PDZRN4: variants seen among roughly 807,000 people sequenced by gnomAD.
PDZRN4 encodes the protein PDZ domain-containing RING finger protein 4.
In PDZRN4, 70 loss-of-function variants were observed where a neutral mutation model predicts 99.0. The ratio of observed to expected loss-of-function variants is 0.71; its 90% CI spans 0.58 to 0.86. The LOEUF (loss-of-function observed/expected upper bound fraction) is 0.86. Among genes scored for constraint, PDZRN4 ranks in the 40% least tolerant of loss-of-function variants. The pLI is 0.00. For synonymous variants in PDZRN4, 551 were observed against 501.6 expected, an observed-to-expected ratio of 1.10 and a Z score of -1.32; for missense variants, 1,474 against 1,331.2, an observed-to-expected ratio of 1.11 and a Z score of -1.67.
intron 3 of PDZRN4, among the ~76,000 whole-genome samples, chr12:41,358,304 C>T (rs1428151767): frequency 2.0e-5 from 3 of 151,932 alleles, no homozygotes; most frequent in Non-Finnish European, 4.4e-5. Flanking sequence ...CCAGAACTCT[C>T]ATATATATTT....
In PDZRN4 at chr12:41,312,266, GA is replaced by G. The variant is rs200590034; in HGVS notation, c.843+118089del. 8.9e-3 allele frequency among the ~76,000 whole-genome samples: 1,275 copies of G among 143,616 alleles called. 6 individuals are homozygous for G. The highest frequency in any genetic ancestry group is 0.032 in the Middle Eastern group (9 of 280). The allele number at this position is 143,616 out of a possible 152,430, so 94.2% of individuals were successfully genotyped here. ...TTTGCCAAACTGCTTTTATGGGGAAGAAAAAAAAAAACACACATACACATTT... is the reference window on the plus strand; with the variant it reads ...TTTGCCAAACTGCTTTTATGGGGAAGAAAAAAAAAACACACATACACATTT... On this transcript the variant is annotated intron_variant, in intron 3 of 9. Coordinates refer to ENST00000402685, the MANE Select transcript of PDZRN4 (RefSeq NM_001164595.2).
chr12:41,383,557 C>T (rs1324642465), intron 3 of PDZRN4, among the ~76,000 whole-genome samples: 1 of 152,206 alleles, frequency 6.6e-6, no homozygotes, highest in Non-Finnish European at 1.5e-5. Flanking sequence ...GAGTAAACTC[C>T]TTCTCCTGCA....
chr12:41,380,442 AC>A (rs1952116260), intron 3 of PDZRN4, among the ~76,000 whole-genome samples: 1 of 151,468 alleles, frequency 6.6e-6, no homozygotes, highest in Non-Finnish European at 1.5e-5. Flanking sequence ...TTCTATTGTG[AC>A]TTGATGACTT....
rs114840177 is a variant in PDZRN4 at position 41,404,237 on chromosome 12, C to T, written c.844-102219C>T. ...TCCACAGATGCAAAACCCATGGATTCGGAAGACCAACTGTAAACATGGCCA... is the reference window on the plus strand; with the variant it reads ...TCCACAGATGCAAAACCCATGGATTTGGAAGACCAACTGTAAACATGGCCA... On this transcript the variant is annotated intron_variant, in intron 3 of 9. Transcript: ENST00000402685. Among the ~76,000 whole-genome samples, 472 of 152,086 alleles carry T rather than the reference C, an allele frequency of 3.1e-3. 2 individuals are homozygous for T. Among genetic ancestry groups the T allele is most frequent in the African/African-American group, 0.011 (443 of 41,502 alleles).
intron 3 of PDZRN4, among the ~76,000 whole-genome samples, chr12:41,301,805 G>C (rs888433317): frequency 6.6e-6 from 1 of 152,008 alleles, no homozygotes; most frequent in Admixed American, 6.6e-5. Flanking sequence ...GGATTTGCTT[G>C]AGTCTCACAA....
chr12:41,244,490 A>C (rs1291017207), intron 3 of PDZRN4, among the ~76,000 whole-genome samples: 1 of 151,974 alleles, frequency 6.6e-6, no homozygotes, highest in Non-Finnish European at 1.5e-5. Context: ...GTTCTACATG[A>C]TCTGCTCCAC....
intron 7 of PDZRN4, among the ~76,000 whole-genome samples, chr12:41,562,759 T>C (rs1939293013): frequency 6.6e-6 from 1 of 152,166 alleles, no homozygotes; most frequent in Non-Finnish European, 1.5e-5. Flanking sequence ...TAAAAAGATA[T>C]ATTTCTAATG....
intron 3 of PDZRN4, among the ~76,000 whole-genome samples, chr12:41,267,846 A>G (rs1951289320): frequency 6.6e-6 from 1 of 152,040 alleles, no homozygotes; most frequent in Non-Finnish European, 1.5e-5. Flanking sequence ...TCTCAAAATG[A>G]AACAAACAAA....
At chr12:41,345,045 G>A (rs1403353785) in intron 3 of PDZRN4, among the ~76,000 whole-genome samples, 1 of 152,070 alleles carries the variant, frequency 6.6e-6, no homozygotes, top group African/African-American at 2.4e-5. Context: ...GAATAAATAT[G>A]TTATTACACT....
intron 5 of PDZRN4, among the ~76,000 whole-genome samples, chr12:41,522,153 A>C (rs562358869): frequency 6.6e-6 from 1 of 152,268 alleles, no homozygotes; most frequent in East Asian, 1.9e-4. Flanking sequence ...GCATGTGAGC[A>C]ATGCAGTTGG....
intron 3 of PDZRN4, among the ~76,000 whole-genome samples, chr12:41,365,839 A>G (rs1951995996): frequency 1.3e-5 from 2 of 152,140 alleles, no homozygotes; most frequent in African/African-American, 4.8e-5. Context: ...GTAAAAGCTG[A>G]TTATAATTGA....
At position 41,572,922 on chromosome 12, in the gene PDZRN4, G is replaced by T; in HGVS notation, c.2143G>T (p.Asp715Tyr). Residue 715 changes from aspartate (D) to tyrosine (Y), a missense_variant, in exon 10 of 10, where the codon GAT becomes TAT. Asp to Tyr is a radical substitution (Grantham distance 160). Transcript: ENST00000402685. ...GGFRNYNTSI[D>Y]MQRGKLDDIM... ...ATTCCGGAATTATAACACCAGCATA[G>T]ATATGCAAAGGGGAAAGCTAGATGA... 1 of 1,614,152 alleles carries T rather than the reference G, an allele frequency of 6.2e-7. No individual in the cohort carries two copies. The highest frequency in any genetic ancestry group is 8.5e-7 in the Non-Finnish European group (1 of 1,180,008).
chr12:41,402,143 A>G (rs1194056069), intron 3 of PDZRN4, among the ~76,000 whole-genome samples: 1 of 39,450 alleles, frequency 2.5e-5, no homozygotes, highest in Non-Finnish European at 4.5e-5. Context: ...ATATATATAC[A>G]CACACTGAGT....
intron 3 of PDZRN4, among the ~76,000 whole-genome samples, chr12:41,307,720 G>A (rs1417438477): frequency 6.7e-6 from 1 of 150,038 alleles, no homozygotes; most frequent in Admixed American, 6.7e-5. Context: ...TTTCACTCTT[G>A]ATTACATGTG....
intron 3 of PDZRN4, among the ~76,000 whole-genome samples, chr12:41,382,248 T>C (rs1214631068): frequency 1.3e-5 from 2 of 152,142 alleles, no homozygotes; most frequent in African/African-American, 4.8e-5. Context: ...TTTTCAGGAA[T>C]GGGCTGCAGT....
intron 3 of PDZRN4, among the ~76,000 whole-genome samples, chr12:41,353,336 C>A (rs889840078): frequency 3.9e-5 from 6 of 152,026 alleles, no homozygotes; most frequent in African/African-American, 1.4e-4. Context: ...TTCCTGTCAT[C>A]TGAATTCCTT....
intron 3 of PDZRN4, among the ~76,000 whole-genome samples, chr12:41,495,718 A>G (rs190390921): frequency 5.0e-4 from 76 of 152,206 alleles, no homozygotes; most frequent in African/African-American, 1.8e-3. Context: ...TGACCCATGG[A>G]GGACATTAGG....
chr12:41,428,545 A>G (rs1033263759), intron 3 of PDZRN4, among the ~76,000 whole-genome samples: 2 of 152,228 alleles, frequency 1.3e-5, no homozygotes, highest in African/African-American at 4.8e-5. Flanking sequence ...AGACAGAGTC[A>G]TGTTAGCAGA....
chr12:41,537,069 T>A (rs537720132), intron 5 of PDZRN4, among the ~76,000 whole-genome samples: 79 of 152,300 alleles, frequency 5.2e-4, no homozygotes, highest in African/African-American at 1.9e-3. Flanking sequence ...CTTATACTAG[T>A]CTTCTAGACA....
Sources: gnomAD v4.1 joint callset for allele counts (sites outside exome capture counted in the v4.1 genomes callset) on GRCh38, gnomAD v4.1.1 for gene constraint, MANE v1.5 for transcripts, NCBI Gene and HGNC (gene_info 2026-07-23, HGNC 2026-07-21) for gene names.